The following ASAP1 variants were observed in gnomAD, a reference collection of about 807,000 sequenced individuals.
ASAP1 encodes ArfGAP with SH3 domain, ankyrin repeat and PH domain 1, also known as arf-GAP with SH3 domain, ANK repeat and PH domain-containing protein 1.
In ASAP1, 43 loss-of-function variants were observed where a neutral mutation model predicts 145.2. The ratio of observed to expected loss-of-function variants is 0.30; its 90% CI spans 0.23 to 0.38. The LOEUF is 0.38. ASAP1 is among the 10% of genes least tolerant of loss of function. The pLI is 1.00. For synonymous variants in ASAP1, 546 were observed against 515.5 expected, an observed-to-expected ratio of 1.06 and a Z score of -0.80; for missense variants, 1,018 against 1,355.3, an observed-to-expected ratio of 0.75 and a Z score of 3.91.
chr8:130,325,661 T>C (rs1254785924), intron 3 of ASAP1, among the ~76,000 whole-genome samples: 4 of 152,194 alleles, frequency 2.6e-5, no homozygotes, highest in Non-Finnish European at 5.9e-5. Context: ...CTAGTTACCA[T>C]ACATAGAACA....
chr8:130,399,478 T>C (rs939275987), intron 2 of ASAP1, among the ~76,000 whole-genome samples: 2 of 152,140 alleles, frequency 1.3e-5, no homozygotes, highest in Admixed American at 6.6e-5. Context: ...AACATGACTT[T>C]GGGTAATCCT....
At chr8:130,181,440 ATC>A (rs1814351237) in intron 7 of ASAP1, among the ~76,000 whole-genome samples, 1 of 152,250 alleles carries the variant, frequency 6.6e-6, no homozygotes, top group Admixed American at 6.5e-5. Context: ...TTCCTTGAAT[ATC>A]GACAGCTTGC....
chr8:130,132,462 C>A (rs2097584682), intron 15 of ASAP1, among the ~76,000 whole-genome samples: 1 of 152,176 alleles, frequency 6.6e-6, no homozygotes, highest in Non-Finnish European at 1.5e-5. Flanking sequence ...GAGCCTCCTG[C>A]CTGGAGTATA....
intron 3 of ASAP1, among the ~76,000 whole-genome samples, chr8:130,281,794 C>T (rs1054641743): frequency 4.6e-5 from 7 of 152,132 alleles, no homozygotes; most frequent in Admixed American, 2.0e-4. Flanking sequence ...AGGCTGGGCG[C>T]GGTGGCTCAC....
intron 2 of ASAP1, among the ~76,000 whole-genome samples, chr8:130,389,345 G>A (rs1828167490): frequency 6.6e-6 from 1 of 151,918 alleles, no homozygotes; most frequent in Non-Finnish European, 1.5e-5. Flanking sequence ...TGCCAAGATG[G>A]CTGGTTAAAG....
At chr8:130,080,167 T>C (rs6984045) in intron 25 of ASAP1, among the ~76,000 whole-genome samples, 196 bp from the exon 26 acceptor site, 4,171 of 152,284 alleles carry the variant, frequency 0.027, 70 homozygotes, top group African/African-American at 0.045. Flanking sequence ...GGTTTTTTAT[T>C]TCTGGTAAAG....
intron 9 of ASAP1, among the ~76,000 whole-genome samples, chr8:130,171,942 G>A (rs1030479169): frequency 6.6e-6 from 1 of 152,190 alleles, no homozygotes; most frequent in Admixed American, 6.5e-5. Context: ...GTGATTTCTG[G>A]AGAAAAGTTT....
Position 130,092,058 on chromosome 8 carries a change from G to C in ASAP1, c.2487C>G (p.Pro829=). Residue 829 remains proline, a synonymous_variant, in exon 25 of 30, where the codon CCC becomes CCG. Coordinates refer to ENST00000518721, the MANE Select transcript of ASAP1 (RefSeq NM_018482.4). ...GGGTTCTCTTGTGTCCGGGTGGTGGGGGAGGAGGCCTCTTCTTGGATAGGG... is the reference window on the plus strand; with the variant it reads ...GGGTTCTCTTGTGTCCGGGTGGTGGCGGAGGAGGCCTCTTCTTGGATAGGG... The part of the protein sequence containing the change: ...SSTLSKKRPP[P]PPPGHKRTLS... 1 of 1,573,134 alleles carries C rather than the reference G, an allele frequency of 6.4e-7. No homozygotes were observed. The highest frequency in any genetic ancestry group is 8.6e-7 in the Non-Finnish European group (1 of 1,164,466).
intron 15 of ASAP1, 74 bp from the exon 16 acceptor site, chr8:130,128,164 TGCCAC>T (rs2097578028): frequency 5.1e-6 from 3 of 593,968 alleles, no homozygotes; most frequent in Non-Finnish European, 6.5e-6. Flanking sequence ...TTTTTTTTTT[TGCCAC>T]TGCAAAAAAA....
chr8:130,244,008 C>T (rs1172931354), intron 3 of ASAP1, among the ~76,000 whole-genome samples: 1 of 152,126 alleles, frequency 6.6e-6, no homozygotes, highest in African/African-American at 2.4e-5. Context: ...TTTTACTTTC[C>T]CTTCTTTTCA....
intron 2 of ASAP1, among the ~76,000 whole-genome samples, chr8:130,373,113 C>CAT: frequency 5.2e-5 from 1 of 19,210 alleles, no homozygotes; most frequent in Non-Finnish European, 1.3e-4. Context: ...AATACATATA[C>CAT]ACACACACAC....
intron 3 of ASAP1, among the ~76,000 whole-genome samples, chr8:130,281,603 T>C (rs1299343971): frequency 6.6e-6 from 1 of 152,108 alleles, no homozygotes; most frequent in East Asian, 1.9e-4. Context: ...TTGGGGGGGT[T>C]AAAAAAACAA....
At chr8:130,154,807 C>T (rs1182484665) in intron 12 of ASAP1, among the ~76,000 whole-genome samples, 1 of 152,202 alleles carries the variant, frequency 6.6e-6, no homozygotes, top group East Asian at 1.9e-4. Flanking sequence ...ATTCAGAATG[C>T]TAGCCTTGCT....
Position 130,255,505 on chromosome 8 carries a change from T to C in ASAP1, c.187-18511A>G, listed in dbSNP as rs1177064110. 2.6e-5 allele frequency among the ~76,000 whole-genome samples: 4 copies of C among 152,350 alleles called. No individual in the cohort carries two copies. The South Asian group carries it at 6.2e-4, about 24-fold the overall frequency. On this transcript the variant is annotated intron_variant, in intron 3 of 29. Coordinates refer to ENST00000518721, the MANE Select transcript of ASAP1 (RefSeq NM_018482.4). ...TGGCTACTTCAGCAGTTGCATAGCATTGTATCACTCTGATAGATCATCTGT... is the reference window on the plus strand; with the variant it reads ...TGGCTACTTCAGCAGTTGCATAGCACTGTATCACTCTGATAGATCATCTGT...
intron 3 of ASAP1, chr8:130,341,033 C>A (rs1018552088): frequency 1.0e-5 from 4 of 400,664 alleles, no homozygotes; most frequent in African/African-American, 4.2e-5. Context: ...GTTTTTTAAC[C>A]GACATTAAAT....
rs765251399 is a variant in ASAP1 at position 130,060,917 on chromosome 8, T to C, written c.2854A>G (p.Ile952Val). 1.9e-6 allele frequency: 3 copies of C among 1,611,536 alleles called. No homozygotes were observed. The highest frequency in any genetic ancestry group is 2.5e-6 in the Non-Finnish European group (3 of 1,178,380). The stretch of plus-strand genomic sequence containing the variant: ...CCTGGCTTAGGCGGCAAATCTCCAA[T>C]TTGGGGCTTGGGGGCCAGTTCTGTG... Reference protein sequence around the residue: ...KPTELAPKPQIGDLPPKPGEL... With the variant: ...KPTELAPKPQVGDLPPKPGEL... The change falls in exon 28 of 30, where the codon ATT becomes GTT. Residue 952 changes from isoleucine (I) to valine (V), a missense_variant. Coordinates refer to ENST00000518721, the MANE Select transcript of ASAP1 (RefSeq NM_018482.4).
At chr8:130,260,838 T>C (rs1312485046) in intron 3 of ASAP1, among the ~76,000 whole-genome samples, 2 of 152,202 alleles carry the variant, frequency 1.3e-5, no homozygotes, top group African/African-American at 2.4e-5. Context: ...ACACAGGCAC[T>C]GAAGATTTTT....
At chr8:130,273,188 AT>A (rs1820682997) in intron 3 of ASAP1, among the ~76,000 whole-genome samples, 1 of 152,342 alleles carries the variant, frequency 6.6e-6, no homozygotes, top group East Asian at 1.9e-4. Context: ...CCTATCACTC[AT>A]TTACCAAACA....
chr8:130,269,681 G>C (rs1565156157), intron 3 of ASAP1, among the ~76,000 whole-genome samples: 2 of 152,166 alleles, frequency 1.3e-5, no homozygotes, highest in South Asian at 4.1e-4. Context: ...TATTAGATGA[G>C]GCACTGTCCT....
Sources: gnomAD v4.1 joint callset for allele counts (sites outside exome capture counted in the v4.1 genomes callset) on GRCh38, gnomAD v4.1.1 for gene constraint, MANE v1.5 for transcripts, NCBI Gene and HGNC (gene_info 2026-07-23, HGNC 2026-07-21) for gene names.